AKAIN1: variants seen among roughly 807,000 people sequenced by gnomAD.
AKAIN1 encodes the protein A-kinase anchor inhibitor 1.
In AKAIN1, 3 loss-of-function variants were observed where a neutral mutation model predicts 3.7. The observed-to-expected ratio is 0.82, with a 90% CI of 0.37 to 2.12. The LOEUF (loss-of-function observed/expected upper bound fraction) is 2.12, where lower values mean the gene tolerates loss of function less well. AKAIN1 is among the 30% of genes most tolerant of loss of function. The probability of loss-of-function intolerance (pLI) is 0.06; values close to 1 mark genes in which losing one functional copy is unlikely to be tolerated. For synonymous variants in AKAIN1, 31 were observed against 30.8 expected, an observed-to-expected ratio of 1.01 and a Z score of -0.02; for missense variants, 82 against 82.7, an observed-to-expected ratio of 0.99 and a Z score of 0.03.
At chr18:5,190,157 G>A (rs944576836) in intron 1 of AKAIN1, among the ~76,000 whole-genome samples, 3 of 152,068 alleles carry the variant, frequency 2.0e-5, no homozygotes, top group Admixed American at 6.6e-5. Flanking sequence ...TCACTTCTGC[G>A]ATAACTAATT....
At chr18:5,183,873 T>C (rs1018922984) in intron 1 of AKAIN1, among the ~76,000 whole-genome samples, 1 of 152,100 alleles carries the variant, frequency 6.6e-6, no homozygotes, top group Non-Finnish European at 1.5e-5. Context: ...TTCATTAACA[T>C]TGATTTCACA....
chr18:5,182,181 T>G (rs974328760), intron 1 of AKAIN1, among the ~76,000 whole-genome samples: 1 of 152,132 alleles, frequency 6.6e-6, no homozygotes, highest in Non-Finnish European at 1.5e-5. Context: ...TTGTAGCATT[T>G]TGCTTTAAAG....
rs58368528 is a variant in AKAIN1, at chr18:5,191,955, C to T, written c.16+5083G>A. 4.9e-3 allele frequency among the ~76,000 whole-genome samples: 751 copies of T among 152,184 alleles called. 9 individuals are homozygous for T. Among genetic ancestry groups the T allele is most frequent in the African/African-American group, 0.017 (707 of 41,518 alleles). Reference sequence around the variant, plus strand: ...ACATATATTTCATATACATCTTATACGCACAGAAGGTAGCTTTCAATGATA... The same window carrying T: ...ACATATATTTCATATACATCTTATATGCACAGAAGGTAGCTTTCAATGATA... On this transcript the variant is annotated intron_variant, in intron 1 of 1. Transcript: ENST00000434239.
intron 1 of AKAIN1, among the ~76,000 whole-genome samples, chr18:5,148,873 G>A (rs1363470712): frequency 6.6e-6 from 1 of 151,956 alleles, no homozygotes; most frequent in African/African-American, 2.4e-5. Context: ...AAGAAAAAAA[G>A]TAAAATAAAT....
intron 1 of AKAIN1, among the ~76,000 whole-genome samples, chr18:5,195,575 C>A (rs2071342998): frequency 6.6e-6 from 1 of 152,104 alleles, no homozygotes; most frequent in African/African-American, 2.4e-5. Context: ...AGACAGAATT[C>A]GAGGTCAGAA....
chr18:5,151,392 C>A (rs1045948145), intron 1 of AKAIN1, among the ~76,000 whole-genome samples: 12 of 152,130 alleles, frequency 7.9e-5, no homozygotes, highest in Admixed American at 7.2e-4. Flanking sequence ...GCAAATAAAG[C>A]AAACCCAGGA....
intron 1 of AKAIN1, among the ~76,000 whole-genome samples, chr18:5,146,897 A>G (rs58928317): frequency 0.05 from 7,649 of 152,290 alleles, 648 homozygotes; most frequent in African/African-American, 0.17. Context: ...CCAATCTGGA[A>G]TGGTGGGAAC....
In AKAIN1 at chr18:5,197,124, G is replaced by A; in HGVS notation, c.-71C>T. 1.9e-6 allele frequency: 3 copies of A among 1,546,996 alleles called. No individual in the cohort carries two copies. The highest frequency in any genetic ancestry group is 2.6e-6 in the Non-Finnish European group (3 of 1,146,532). ...GCAGACGGAGGATGGGAAGAAGGCCGGACTTGGCGGGGTCCGGTGCAGGAG... is the reference window on the plus strand; with the variant it reads ...GCAGACGGAGGATGGGAAGAAGGCCAGACTTGGCGGGGTCCGGTGCAGGAG... On this transcript the variant is annotated 5_prime_UTR_variant, in exon 1 of 2. Coordinates refer to ENST00000434239, the MANE Select transcript of AKAIN1 (RefSeq NM_001145194.2). The surrounding 1 kb of genome is among the most constrained non-coding windows in gnomAD (Gnocchi z 6.9).
chr18:5,149,798 T>G (rs1041073722), intron 1 of AKAIN1, among the ~76,000 whole-genome samples: 1 of 152,212 alleles, frequency 6.6e-6, no homozygotes, highest in African/African-American at 2.4e-5. Context: ...ATATCACCAT[T>G]ATCCTTATAA....
At chr18:5,196,925 C>T (rs2071351189) in intron 1 of AKAIN1, 113 bp downstream of exon 1, 3 of 1,001,292 alleles carry the variant, frequency 3.0e-6, no homozygotes, top group African/African-American at 3.2e-5. Flanking sequence ...CAGACAGTAA[C>T]TCCGAAACGC....
At chr18:5,196,115 C>T (rs1450876032) in intron 1 of AKAIN1, among the ~76,000 whole-genome samples, 1 of 152,220 alleles carries the variant, frequency 6.6e-6, no homozygotes, top group Non-Finnish European at 1.5e-5. Context: ...TTAAAGACCC[C>T]AGGAACAAAG....
chr18:5,170,042 A>T (rs2071188952), intron 1 of AKAIN1, among the ~76,000 whole-genome samples: 1 of 152,148 alleles, frequency 6.6e-6, no homozygotes, highest in African/African-American at 2.4e-5. Flanking sequence ...ACTAATTCAC[A>T]CATTTGGGAT....
At chr18:5,168,854 G>C (rs2143344016) in intron 1 of AKAIN1, among the ~76,000 whole-genome samples, 1 of 146,300 alleles carries the variant, frequency 6.8e-6, no homozygotes, top group Non-Finnish European at 1.5e-5. Context: ...CCTCATATGA[G>C]GCAATTCATT....
chr18:5,155,688 C>T (rs1179076687), intron 1 of AKAIN1, among the ~76,000 whole-genome samples: 1 of 152,178 alleles, frequency 6.6e-6, no homozygotes, highest in East Asian at 1.9e-4. Flanking sequence ...ACTCAGGACT[C>T]CCAGATGCAG....
At position 5,144,474 on chromosome 18, in the gene AKAIN1, C is replaced by A. The variant is rs2071037634; in HGVS notation, c.*1088G>T. 6.6e-6 allele frequency among the ~76,000 whole-genome samples: 1 copy of A among 152,174 alleles called. No homozygotes were observed. The highest frequency in any genetic ancestry group is 1.5e-5 in the Non-Finnish European group (1 of 68,030). Reference sequence around the variant, plus strand: ...GGAGCAGGGATTGATCCTGTTGCTGCACAGATAACTTTATTACACGTGTAC... The same window carrying A: ...GGAGCAGGGATTGATCCTGTTGCTGAACAGATAACTTTATTACACGTGTAC... On this transcript the variant is annotated 3_prime_UTR_variant, in exon 2 of 2. Coordinates refer to ENST00000434239, the MANE Select transcript of AKAIN1 (RefSeq NM_001145194.2).
intron 1 of AKAIN1, among the ~76,000 whole-genome samples, chr18:5,184,753 A>C (rs968831835): frequency 8.5e-5 from 13 of 152,266 alleles, no homozygotes; most frequent in African/African-American, 2.9e-4. Flanking sequence ...ATATTGTTAA[A>C]ATGGCCATAT....
intron 1 of AKAIN1, among the ~76,000 whole-genome samples, chr18:5,181,167 C>T (rs1418860487): frequency 6.6e-6 from 1 of 151,470 alleles, no homozygotes; most frequent in Non-Finnish European, 1.5e-5. Context: ...TGGCACATGG[C>T]TGTAGTCCCT....
In AKAIN1 at chr18:5,150,623, C is replaced by T. The variant is rs368349942; in HGVS notation, c.17-4868G>A. ...ATCCCCAGGCATCCACATGGTCCTG[C>T]TTCTCTATGATCACCCAGTGCTCCC... On this transcript the variant is annotated intron_variant, in intron 1 of 1. Transcript: ENST00000434239. Among the ~76,000 whole-genome samples the T allele has an allele frequency of 4.3e-4, 65 of 152,292 alleles. 2 individuals carry two copies. Among genetic ancestry groups the T allele is most frequent in the East Asian group, 4.3e-3 (22 of 5,170 alleles).
At chr18:5,159,079 T>A (rs892782510) in intron 1 of AKAIN1, among the ~76,000 whole-genome samples, 1 of 148,126 alleles carries the variant, frequency 6.8e-6, no homozygotes, top group Non-Finnish European at 1.5e-5. Flanking sequence ...AATGAGAATC[T>A]TGGCTCTTTT....
Sources: gnomAD v4.1 joint callset for allele counts (sites outside exome capture counted in the v4.1 genomes callset) on GRCh38, gnomAD v4.1.1 for gene constraint, Gnocchi (gnomAD v3.1) non-coding constraint, MANE v1.5 for transcripts, NCBI Gene and HGNC (gene_info 2026-07-23, HGNC 2026-07-21) for gene names.